Variants in SLC2A9 observed in about 807,000 individuals in gnomAD.
The protein encoded by SLC2A9 is solute carrier family 2 member 9.
SLC2A9 carries 39 observed loss-of-function variants against 50.6 expected under a neutral mutation model. The observed-to-expected ratio is 0.77, with a 90% CI of 0.60 to 1.01. The LOEUF (loss-of-function observed/expected upper bound fraction) is 1.01, where lower values mean the gene tolerates loss of function less well. Among genes scored for constraint, SLC2A9 ranks in the 50% least tolerant of loss-of-function variants. SLC2A9 has a pLI of 0.00. For missense variants in SLC2A9, 686 were observed against 677.6 expected (o/e 1.01, Z -0.14); for synonymous variants, 324 against 276.9 (o/e 1.17, Z -1.69).
At chr4:9,992,720 A>G (rs755720591) in intron 3 of SLC2A9, among the ~76,000 whole-genome samples, 23 of 152,228 alleles carry the variant, frequency 1.5e-4, no homozygotes, top group Non-Finnish European at 3.1e-4. Flanking sequence ...AAAAGCTATC[A>G]TCTGAGCCAC....
intron 5 of SLC2A9, among the ~76,000 whole-genome samples, chr4:9,950,297 T>A (rs1319393392): frequency 6.6e-6 from 1 of 152,226 alleles, no homozygotes; most frequent in Non-Finnish European, 1.5e-5. Context: ...GAAATAATAA[T>A]GAGATGAACT....
intron 5 of SLC2A9, among the ~76,000 whole-genome samples, chr4:9,965,058 C>T (rs1482828173): frequency 6.6e-6 from 1 of 152,216 alleles, no homozygotes; most frequent in East Asian, 1.9e-4. Context: ...GGCACCAGTT[C>T]CAGGCACTGT....
chr4:9,796,720 C>G (rs1577309424), downstream of SLC2A9, among the ~76,000 whole-genome samples: 1 of 152,130 alleles, frequency 6.6e-6, no homozygotes, highest in East Asian at 1.9e-4. Flanking sequence ...TTCAGATGGG[C>G]CTGGATCTGG....
At chr4:9,772,831 T>TA (rs929172117) in intron 1 of SLC2A9, among the ~76,000 whole-genome samples, 6 of 149,590 alleles carry the variant, frequency 4.0e-5, no homozygotes, top group East Asian at 1.9e-4. Context: ...TTTTATTTTT[T>TA]TTTTATTATA....
At chr4:9,879,067 G>A (rs1218979485) in intron 10 of SLC2A9, 1 of 985,004 alleles carries the variant, frequency 1.0e-6, no homozygotes, top group East Asian at 1.1e-4. Context: ...CTGTCAGGCT[G>A]TGTGTTTGGA....
At chr4:9,778,666 G>A (rs1410410883), downstream of SLC2A9, among the ~76,000 whole-genome samples, 2 of 152,056 alleles carry the variant, frequency 1.3e-5, 1 homozygote, top group Admixed American at 1.3e-4. Context: ...GTCTAATAAT[G>A]TATCCATTCT....
intron 5 of SLC2A9, among the ~76,000 whole-genome samples, chr4:9,978,524 G>C (rs1052657950): frequency 6.6e-6 from 1 of 152,184 alleles, no homozygotes; most frequent in East Asian, 1.9e-4. Flanking sequence ...AGCTGAGGCT[G>C]TTATCTTGTT....
At chr4:9,815,279 G>A (rs1215657816) in intron 3 of SLC2A9, among the ~76,000 whole-genome samples, 2 of 152,184 alleles carry the variant, frequency 1.3e-5, no homozygotes, top group Non-Finnish European at 2.9e-5. Context: ...AGGCACCTGC[G>A]CCCCACAGAT....
chr4:10,025,973 CT>C (rs1361543528), upstream of SLC2A9: 1 of 1,614,086 alleles, frequency 6.2e-7, no homozygotes, highest in African/African-American at 1.3e-5. Flanking sequence ...TCATGGTTCA[CT>C]TTTCAGGTTT....
intron 1 of SLC2A9, among the ~76,000 whole-genome samples, chr4:10,036,998 T>G (rs1233849848): frequency 6.6e-6 from 1 of 152,222 alleles, no homozygotes; most frequent in African/African-American, 2.4e-5. Context: ...CTGCACAACC[T>G]TGTTCAGAAA....
chr4:9,894,252 A>G (rs762128627), intron 8 of SLC2A9, among the ~76,000 whole-genome samples: 4 of 152,368 alleles, frequency 2.6e-5, no homozygotes, highest in Non-Finnish European at 5.9e-5. Flanking sequence ...AGAAATTAAC[A>G]TAGTTTAAAG....
chr4:9,809,881 A>T (rs139687017), intron 3 of SLC2A9, among the ~76,000 whole-genome samples: 2 of 149,748 alleles, frequency 1.3e-5, no homozygotes, highest in Admixed American at 1.3e-4. Context: ...TTCATGTGAT[A>T]TATTAAGTCA....
rs970960654 is a variant in SLC2A9 at position 9,970,837 on chromosome 4, G to A, written c.681+9755C>T. On this transcript the variant is annotated intron_variant, in intron 5 of 11. Coordinates refer to ENST00000264784, the MANE Select transcript of SLC2A9 (RefSeq NM_020041.3). ...CAAAACCGGACCCAAAACCAGGCCTGGGCCTGCCTGGCCTAAACCTAGTAG... is the reference window on the plus strand; with the variant it reads ...CAAAACCGGACCCAAAACCAGGCCTAGGCCTGCCTGGCCTAAACCTAGTAG... 2.0e-5 allele frequency among the ~76,000 whole-genome samples: 3 copies of A among 152,312 alleles called. No individual in the cohort carries two copies. In the South Asian group the frequency reaches 6.2e-4, roughly 32 times the overall value.
At chr4:9,901,497 A>G (rs11737685) in intron 8 of SLC2A9, among the ~76,000 whole-genome samples, 93,249 of 151,958 alleles carry the variant, frequency 0.61, 29,339 homozygotes, top group Non-Finnish European at 0.68. Context: ...GCCATTATCT[A>G]TTTTGTCTAC....
At chr4:9,982,625 C>G (rs1206223223) in intron 4 of SLC2A9, among the ~76,000 whole-genome samples, 1 of 152,182 alleles carries the variant, frequency 6.6e-6, no homozygotes, top group Admixed American at 6.5e-5. Context: ...AACTGCCAAA[C>G]AGAGAATCTC....
chr4:10,017,248 A>G (rs922313872), intron 2 of SLC2A9, among the ~76,000 whole-genome samples: 6 of 152,210 alleles, frequency 3.9e-5, no homozygotes, highest in African/African-American at 1.4e-4. Context: ...ATTCTATCCC[A>G]GGTGTAAGTT....
At chr4:9,846,156 A>G (rs1281041320) in intron 10 of SLC2A9, among the ~76,000 whole-genome samples, 1 of 152,196 alleles carries the variant, frequency 6.6e-6, no homozygotes, top group Non-Finnish European at 1.5e-5. Flanking sequence ...AGAGATCCGG[A>G]CCCAGGTAAG....
At chr4:9,829,641 A>C (rs1725733319) in intron 11 of SLC2A9, among the ~76,000 whole-genome samples, 1 of 152,172 alleles carries the variant, frequency 6.6e-6, no homozygotes, top group Admixed American at 6.5e-5. Context: ...TAATATCCAG[A>C]GTTCATAAGG....
At chr4:10,024,155 C>T (rs1763676618), upstream of SLC2A9, among the ~76,000 whole-genome samples, 1 of 152,184 alleles carries the variant, frequency 6.6e-6, no homozygotes, top group Non-Finnish European at 1.5e-5. Context: ...CCTCCCCAAC[C>T]TCTCGCTGCC....
Sources: allele counts gnomAD v4.1 joint callset (sites outside exome capture counted in the v4.1 genomes callset), GRCh38; gene constraint gnomAD v4.1.1; transcripts MANE v1.5; gene names NCBI Gene and HGNC (gene_info 2026-07-23, HGNC 2026-07-21).